The following DNAJB1 variants were observed in gnomAD, a reference collection of about 807,000 sequenced individuals.
DNAJB1 encodes dnaJ homolog subfamily B member 1.
DNAJB1 carries 14 observed loss-of-function variants against 24.0 expected under a neutral mutation model. The observed-to-expected ratio is 0.58, with a 90% CI of 0.39 to 0.91. DNAJB1 has a LOEUF of 0.91. Among genes scored for constraint, DNAJB1 ranks in the 40% least tolerant of loss-of-function variants. The probability of loss-of-function intolerance (pLI) is 0.00; values close to 1 mark genes in which losing one functional copy is unlikely to be tolerated. For synonymous variants in DNAJB1, 262 were observed against 174.4 expected (o/e 1.50, Z -3.96); for missense variants, 517 against 458.1 (o/e 1.13, Z -1.17).
At chr19:14,540,015 G>C (rs1474338188) in intron 1 of DNAJB1, among the ~76,000 whole-genome samples, 2 of 150,968 alleles carry the variant, frequency 1.3e-5, no homozygotes, top group African/African-American at 4.9e-5. Context: ...GAGTAGCTGG[G>C]ATTACAGGTA....
intron 1 of DNAJB1, 146 bp downstream of exon 1, chr19:14,517,993 G>A (rs2072304759): frequency 1.1e-6 from 1 of 880,962 alleles, no homozygotes; most frequent in East Asian, 3.3e-5. Context: ...CAATCCGAGG[G>A]CGGAGGCCCG....
chr19:14,518,989 TC>T (rs1324823028), upstream of DNAJB1, among the ~76,000 whole-genome samples: 1 of 152,140 alleles, frequency 6.6e-6, no homozygotes, highest in African/African-American at 2.4e-5. Flanking sequence ...TCCCATCACT[TC>T]CTGAGGCCAA....
chr19:14,556,374 C>T lies in DNAJB1; in HGVS notation c.-2165-2056G>A, dbSNP rs536539204. Among the ~76,000 whole-genome samples, 8 of 152,080 alleles carry T rather than the reference C, an allele frequency of 5.3e-5. No individual in the cohort carries two copies. In the East Asian group the frequency reaches 1.5e-3, roughly 29 times the overall value. On this transcript the variant is annotated intron_variant, in intron 1 of 5. Coordinates refer to the DNAJB1 transcript ENST00000679223. ...GTTGCAGTGAGCCGAGATCGCGCCA[C>T]TGCATTCCAGCCTGGGCGACAGCGA...
At chr19:14,558,376 C>T (rs1159278516) in intron 1 of DNAJB1, among the ~76,000 whole-genome samples, 1 of 152,220 alleles carries the variant, frequency 6.6e-6, no homozygotes, top group East Asian at 1.9e-4. Context: ...GCACTCCCCT[C>T]TGGGCTTGGG....
intron 1 of DNAJB1, chr19:14,545,266 G>T (rs1201046040): frequency 2.2e-6 from 1 of 453,352 alleles, no homozygotes; most frequent in Non-Finnish European, 4.4e-6. Context: ...CAGCCTCCGG[G>T]TGTCACCCGC....
chr19:14,518,441 C>T, upstream of DNAJB1: 3 of 1,099,256 alleles, frequency 2.7e-6, no homozygotes, highest in Non-Finnish European at 3.6e-6. Context: ...CCGGCGGAAG[C>T]TTCCAGAGCC....
At chr19:14,546,942 G>A (rs768939089) in intron 1 of DNAJB1, among the ~76,000 whole-genome samples, 31 of 152,272 alleles carry the variant, frequency 2.0e-4, no homozygotes, top group African/African-American at 3.6e-4. Context: ...TGATCTGCCC[G>A]CCTTGGCCTC....
chr19:14,535,564 A>ATGTATATG (rs2072859602), intron 1 of DNAJB1, among the ~76,000 whole-genome samples: 1 of 24,880 alleles, frequency 4.0e-5, no homozygotes, highest in African/African-American at 1.4e-4. Context: ...ATATATATAT[A>ATGTATATG]TATATATATA....
At chr19:14,556,604 A>G (rs1295613186) in intron 1 of DNAJB1, among the ~76,000 whole-genome samples, 2 of 152,010 alleles carry the variant, frequency 1.3e-5, no homozygotes, top group Admixed American at 1.3e-4. Context: ...ATATCCCAGG[A>G]ACTGGAACAG....
intron 1 of DNAJB1, among the ~76,000 whole-genome samples, chr19:14,556,518 C>G (rs1030417216): frequency 6.6e-6 from 1 of 152,164 alleles, no homozygotes; most frequent in African/African-American, 2.4e-5. Flanking sequence ...GCCCCCACCC[C>G]CTGCTTGCCC....
At chr19:14,535,496 G>A (rs1325210101) in intron 1 of DNAJB1, among the ~76,000 whole-genome samples, 1 of 89,212 alleles carries the variant, frequency 1.1e-5, no homozygotes, top group African/African-American at 4.8e-5. Flanking sequence ...GACAGAGCGA[G>A]ACTCCGTCTC....
chr19:14,552,594 C>T (rs1009574621), upstream of DNAJB1, among the ~76,000 whole-genome samples: 14 of 151,596 alleles, frequency 9.2e-5, no homozygotes, highest in Admixed American at 7.9e-4. Flanking sequence ...AGTGCAGTGG[C>T]GCAATCTCTG....
upstream of DNAJB1, chr19:14,529,693 A>C: frequency 6.2e-7 from 1 of 1,614,046 alleles, no homozygotes; most frequent in South Asian, 1.1e-5. Flanking sequence ...CGTGGGAGGG[A>C]GCCATGAAGC....
chr19:14,517,445 AAC>A (rs2072290335), intron 1 of DNAJB1: 5 of 173,942 alleles, frequency 2.9e-5, no homozygotes, highest in Non-Finnish European at 3.6e-5. Flanking sequence ...GAAAAAAAAA[AAC>A]AAAAATAAAT....
upstream of DNAJB1, chr19:14,533,896 G>T (rs906434630): frequency 1.3e-5 from 2 of 152,092 alleles, no homozygotes; most frequent in African/African-American, 4.8e-5. Flanking sequence ...TTTTTTTAAT[G>T]TATTTTTTTA....
upstream of DNAJB1, among the ~76,000 whole-genome samples, chr19:14,553,702 A>C (rs889668306): frequency 5.9e-5 from 9 of 151,784 alleles, no homozygotes; most frequent in African/African-American, 2.2e-4. Flanking sequence ...TGCATTTGTG[A>C]TGGGGGCGAG....
intron 1 of DNAJB1, among the ~76,000 whole-genome samples, chr19:14,542,376 T>C (rs373010665): frequency 5.4e-5 from 6 of 110,206 alleles, no homozygotes; most frequent in African/African-American, 1.1e-4. Context: ...TTTTTTTTTT[T>C]CTGAGATGGA....
At chr19:14,517,881 G>A (rs757717647) in intron 1 of DNAJB1, 21 of 376,974 alleles carry the variant, frequency 5.6e-5, no homozygotes, top group Non-Finnish European at 9.9e-5. Context: ...GGGGCTGCTC[G>A]GGGCCGCGGG....
At chr19:14,556,659 T>G (rs1026111854) in intron 1 of DNAJB1, among the ~76,000 whole-genome samples, 1 of 152,110 alleles carries the variant, frequency 6.6e-6, no homozygotes, top group African/African-American at 2.4e-5. Flanking sequence ...AATGAATGGA[T>G]AAATGAATGC....
Sources: allele counts gnomAD v4.1 joint callset (sites outside exome capture counted in the v4.1 genomes callset), GRCh38; gene constraint gnomAD v4.1.1; transcripts MANE v1.5; gene names NCBI Gene and HGNC (gene_info 2026-07-23, HGNC 2026-07-21).